ANKRD55: variants seen among roughly 807,000 people sequenced by gnomAD.
The protein encoded by ANKRD55 is ankyrin repeat domain 55.
A neutral mutation model predicts 60.6 loss-of-function variants in ANKRD55; 41 were observed. The ratio of observed to expected loss-of-function variants is 0.68; its 90% CI spans 0.53 to 0.88. ANKRD55 has a LOEUF of 0.88. Among genes scored for constraint, ANKRD55 ranks in the 40% least tolerant of loss-of-function variants. The pLI, the probability that ANKRD55 is intolerant of heterozygous loss-of-function variation, is 0.00. For missense variants in ANKRD55, 732 were observed against 767.6 expected, an observed-to-expected ratio of 0.95 and a Z score of 0.55; for synonymous variants, 264 against 290.3, an observed-to-expected ratio of 0.91 and a Z score of 0.92.
Position 56,227,083 on chromosome 5 carries a change from C to T in ANKRD55, c.58+5773G>A, listed in dbSNP as rs1184338243. The stretch of plus-strand genomic sequence containing the variant: ...ATTCACAATAGCAAAGACTTGGAAC[C>T]AACCCAAATGTCCATCGATGATAGA... On this transcript the variant is annotated intron_variant, in intron 2 of 11. Coordinates refer to ENST00000341048, the MANE Select transcript of ANKRD55 (RefSeq NM_024669.3). 3.7e-4 allele frequency among the ~76,000 whole-genome samples: 57 copies of T among 152,172 alleles called. No homozygotes were observed. In the South Asian group the frequency reaches 0.012, roughly 31 times the overall value.
At chr5:56,210,363 A>G (rs570855051) in intron 2 of ANKRD55, among the ~76,000 whole-genome samples, 141 of 152,104 alleles carry the variant, frequency 9.3e-4, no homozygotes, top group African/African-American at 3.3e-3. Flanking sequence ...TCACGAGGTC[A>G]GGAGACTGAG....
intron 2 of ANKRD55, among the ~76,000 whole-genome samples, chr5:56,199,937 T>C (rs1368260071): frequency 1.3e-5 from 2 of 151,046 alleles, no homozygotes; most frequent in Non-Finnish European, 2.9e-5. Context: ...TTGAGACCAG[T>C]AGTTGGAGAC....
At chr5:56,180,516 C>G (rs896023361) in intron 3 of ANKRD55, among the ~76,000 whole-genome samples, 1 of 152,194 alleles carries the variant, frequency 6.6e-6, no homozygotes, top group African/African-American at 2.4e-5. Context: ...TCAGAATTTG[C>G]GCTAAATCTG....
chr5:56,135,290 GCTTGCTTTCTTT>G lies in ANKRD55; in HGVS notation c.613-8196_613-8185del, dbSNP rs1310515910. 9.8e-4 allele frequency among the ~76,000 whole-genome samples: 68 copies of G among 69,316 alleles called. 3 individuals carry two copies. The highest frequency in any genetic ancestry group is 4.3e-3 in the East Asian group (10 of 2,310). 45.5% of individuals were successfully genotyped at this position (69,316 alleles called of 152,430 possible). ...TCCCTCCCTCCCTCCCTGCCTGCCT[GCTTGCTTTCTTT>G]CTTTCTTTCTTTCTTTCTTTCTTTC... is the stretch of plus-strand genomic sequence containing the variant. On this transcript the variant is annotated intron_variant, in intron 7 of 11. Transcript: ENST00000341048.
At chr5:56,159,936 G>GT in intron 5 of ANKRD55, 43 bp from the exon 6 acceptor site, 1 of 1,555,780 alleles carries the variant, frequency 6.4e-7, no homozygotes, top group African/African-American at 1.4e-5. Flanking sequence ...ATAACAGGCA[G>GT]TCACGGTGCT....
chr5:56,197,357 A>C (rs1307516297), intron 2 of ANKRD55, among the ~76,000 whole-genome samples: 1 of 152,210 alleles, frequency 6.6e-6, no homozygotes, highest in Non-Finnish European at 1.5e-5. Flanking sequence ...TATTAAAAGC[A>C]TACATAAAAT....
chr5:56,138,281 C>A (rs761173181), intron 7 of ANKRD55, among the ~76,000 whole-genome samples: 11 of 151,990 alleles, frequency 7.2e-5, no homozygotes, highest in Non-Finnish European at 1.5e-4. Context: ...GCACCCACTA[C>A]CATGCCCAGC....
intron 7 of ANKRD55, among the ~76,000 whole-genome samples, chr5:56,140,385 G>T (rs1757730493): frequency 6.6e-6 from 1 of 152,190 alleles, no homozygotes; most frequent in Admixed American, 6.5e-5. Context: ...CAGAGCCGGG[G>T]TTCTTAGCCT....
chr5:56,186,170 G>C (rs1158943769), intron 2 of ANKRD55, among the ~76,000 whole-genome samples: 2 of 152,020 alleles, frequency 1.3e-5, no homozygotes, highest in Non-Finnish European at 2.9e-5. Flanking sequence ...GTTTTTGTTT[G>C]TTTGTTTGTT....
intron 2 of ANKRD55, among the ~76,000 whole-genome samples, chr5:56,212,343 GATA>G (rs1230287638): frequency 2.0e-5 from 3 of 152,066 alleles, no homozygotes; most frequent in Admixed American, 6.5e-5. Context: ...ACCCCTATAA[GATA>G]AACAGATAAA....
chr5:56,135,750 G>A (rs1187497475), intron 7 of ANKRD55, among the ~76,000 whole-genome samples: 1 of 152,106 alleles, frequency 6.6e-6, no homozygotes, highest in Non-Finnish European at 1.5e-5. Context: ...AATGCTGATT[G>A]GGAAGGAAGA....
intron 7 of ANKRD55, among the ~76,000 whole-genome samples, chr5:56,139,529 C>A (rs1432992239): frequency 1.3e-5 from 2 of 152,068 alleles, no homozygotes; most frequent in East Asian, 3.9e-4. Flanking sequence ...AGGAATGATA[C>A]AGGGAGTGCA....
At chr5:56,199,166 G>A (rs1170196667) in intron 2 of ANKRD55, among the ~76,000 whole-genome samples, 9 of 152,070 alleles carry the variant, frequency 5.9e-5, no homozygotes, top group Non-Finnish European at 1.2e-4. Flanking sequence ...AACAAAGGGT[G>A]GAATAAGGAA....
At chr5:56,177,235 C>T (rs1758756303) in intron 3 of ANKRD55, among the ~76,000 whole-genome samples, 3 of 152,078 alleles carry the variant, frequency 2.0e-5, no homozygotes, top group African/African-American at 7.2e-5. Flanking sequence ...GAGTTGCAGT[C>T]GGCAACTCAA....
intron 2 of ANKRD55, among the ~76,000 whole-genome samples, chr5:56,223,988 T>G (rs1351580557): frequency 2.0e-5 from 3 of 152,170 alleles, no homozygotes; most frequent in Non-Finnish European, 4.4e-5. Context: ...CAAGCGGACC[T>G]AATAGACATC....
intron 9 of ANKRD55, among the ~76,000 whole-genome samples, chr5:56,115,141 AGTAAGCCAT>A (rs1334221249): frequency 6.6e-6 from 1 of 151,902 alleles, no homozygotes; most frequent in East Asian, 1.9e-4. Flanking sequence ...TCAAGGTTGC[AGTAAGCCAT>A]GATTATGCCA....
At chr5:56,191,416 T>A (rs1759089881) in intron 2 of ANKRD55, among the ~76,000 whole-genome samples, 1 of 152,226 alleles carries the variant, frequency 6.6e-6, no homozygotes. Context: ...TGTACCAGTC[T>A]TTTACCTCCT....
At chr5:56,184,116 C>A (rs964912265) in intron 2 of ANKRD55, among the ~76,000 whole-genome samples, 4 of 152,222 alleles carry the variant, frequency 2.6e-5, no homozygotes, top group Non-Finnish European at 5.9e-5. Flanking sequence ...TGAGGACTGA[C>A]CCTTGCCGAG....
At chr5:56,172,745 T>A (rs1758639024) in intron 4 of ANKRD55, among the ~76,000 whole-genome samples, 1 of 152,068 alleles carries the variant, frequency 6.6e-6, no homozygotes, top group Admixed American at 6.5e-5. Flanking sequence ...TTTTATTACG[T>A]GTTACAAATG....
Sources: gnomAD v4.1 joint callset for allele counts (sites outside exome capture counted in the v4.1 genomes callset) on GRCh38, gnomAD v4.1.1 for gene constraint, MANE v1.5 for transcripts, NCBI Gene and HGNC (gene_info 2026-07-23, HGNC 2026-07-21) for gene names.